The following CPA6 variants were observed in gnomAD, a reference collection of about 807,000 sequenced individuals.
The protein encoded by CPA6 is carboxypeptidase A6.
A neutral mutation model predicts 63.3 loss-of-function variants in CPA6; 58 were observed. The observed-to-expected ratio is 0.92, with a 90% CI of 0.74 to 1.14. The LOEUF is 1.14. Ranked by LOEUF, CPA6 falls within the 50% of genes most tolerant of loss-of-function variation. The pLI is 0.00. For synonymous variants in CPA6, 185 were observed against 179.0 expected (o/e 1.03, Z -0.27); for missense variants, 565 against 526.6 (o/e 1.07, Z -0.71).
intron 2 of CPA6, among the ~76,000 whole-genome samples, chr8:67,612,889 T>A (rs1329598171): frequency 6.6e-6 from 1 of 152,164 alleles, no homozygotes; most frequent in Non-Finnish European, 1.5e-5. Flanking sequence ...ATACAGACAT[T>A]TTTGATTATA....
At chr8:67,479,538 T>C (rs919375532) in intron 8 of CPA6, among the ~76,000 whole-genome samples, 1 of 152,176 alleles carries the variant, frequency 6.6e-6, no homozygotes, top group Non-Finnish European at 1.5e-5. Flanking sequence ...GGGAGAGTTT[T>C]CCCTTGGGCC....
chr8:67,579,361 C>T (rs1383879939), intron 2 of CPA6, among the ~76,000 whole-genome samples: 1 of 152,074 alleles, frequency 6.6e-6, no homozygotes, highest in Non-Finnish European at 1.5e-5. Flanking sequence ...TGCAGTGAGC[C>T]GAGATTGTGC....
chr8:67,590,789 T>G (rs1371399629), intron 2 of CPA6, among the ~76,000 whole-genome samples: 3 of 150,576 alleles, frequency 2.0e-5, no homozygotes, highest in Non-Finnish European at 4.5e-5. Context: ...ATATTAGCCC[T>G]TTGTCAGATG....
chr8:67,671,631 G>C (rs1305536797), intron 1 of CPA6, among the ~76,000 whole-genome samples: 1 of 152,144 alleles, frequency 6.6e-6, no homozygotes, highest in Non-Finnish European at 1.5e-5. Flanking sequence ...CTAATGCATA[G>C]TTTGCTTCAG....
At chr8:67,595,366 C>G (rs1587613601) in intron 2 of CPA6, among the ~76,000 whole-genome samples, 1 of 152,360 alleles carries the variant, frequency 6.6e-6, no homozygotes, top group East Asian at 1.9e-4. Flanking sequence ...TCTGCCCGTT[C>G]TCAGATCTCC....
chr8:67,630,988 G>T (rs550032169), intron 1 of CPA6, among the ~76,000 whole-genome samples: 2 of 152,300 alleles, frequency 1.3e-5, no homozygotes, highest in Admixed American at 6.5e-5. Flanking sequence ...CCTGCAGCCC[G>T]CCATGACTGA....
intron 1 of CPA6, among the ~76,000 whole-genome samples, chr8:67,677,079 T>G (rs1587693577): frequency 6.6e-6 from 1 of 152,224 alleles, no homozygotes; most frequent in East Asian, 1.9e-4. Flanking sequence ...ATTTAGGTCA[T>G]CTGTTAGTGC....
At chr8:67,742,064 T>C (rs537471952) in intron 1 of CPA6, among the ~76,000 whole-genome samples, 1 of 152,118 alleles carries the variant, frequency 6.6e-6, no homozygotes, top group Non-Finnish European at 1.5e-5. Context: ...CAGCACACAA[T>C]GGGCATCCAA....
intron 1 of CPA6, among the ~76,000 whole-genome samples, chr8:67,677,045 C>T (rs914601848): frequency 3.3e-5 from 5 of 152,178 alleles, no homozygotes; most frequent in African/African-American, 1.2e-4. Context: ...AACTGTGCTG[C>T]ACAACGCCAG....
chr8:67,639,485 A>G, intron 1 of CPA6, among the ~76,000 whole-genome samples: 1 of 151,624 alleles, frequency 6.6e-6, no homozygotes, highest in Non-Finnish European at 1.5e-5. Flanking sequence ...AGATGCTGGT[A>G]TGGGCACCAG....
intron 1 of CPA6, among the ~76,000 whole-genome samples, chr8:67,698,317 C>G (rs1587710298): frequency 6.6e-6 from 1 of 152,286 alleles, no homozygotes; most frequent in East Asian, 1.9e-4. Flanking sequence ...AAGGGTAGGG[C>G]TCAGTAATTG....
intron 6 of CPA6, among the ~76,000 whole-genome samples, chr8:67,494,806 A>G (rs924202805): frequency 2.0e-5 from 3 of 152,230 alleles, no homozygotes; most frequent in African/African-American, 7.2e-5. Context: ...TTATCAGCTT[A>G]TGTAATACAG....
intron 8 of CPA6, among the ~76,000 whole-genome samples, chr8:67,449,511 C>A (rs993714729): frequency 5.9e-5 from 9 of 152,044 alleles, no homozygotes; most frequent in African/African-American, 1.4e-4. Context: ...ATCAAAAAAA[C>A]CTTCATTGAG....
At chr8:67,470,638 G>A (rs568289909) in intron 8 of CPA6, among the ~76,000 whole-genome samples, 6 of 152,134 alleles carry the variant, frequency 3.9e-5, no homozygotes, top group African/African-American at 1.2e-4. Flanking sequence ...TGTAATGTTT[G>A]ATTCTGAAGT....
At position 67,628,367 on chromosome 8, in the gene CPA6, C is replaced by T. The variant is rs80035212; in HGVS notation, c.117-4116G>A. Among the ~76,000 whole-genome samples, 3 of 152,334 alleles carry T rather than the reference C, an allele frequency of 2.0e-5. No homozygotes were observed. The East Asian group carries it at 5.8e-4, about 29-fold the overall frequency. ...CCTGTTGAAAGACAGAGATGTGAAG[C>T]TTCAGATGTTTCCTTGTGGCTCCTG... On this transcript the variant is annotated intron_variant, in intron 1 of 10. Coordinates refer to ENST00000297770, the MANE Select transcript of CPA6 (RefSeq NM_020361.5).
intron 2 of CPA6, among the ~76,000 whole-genome samples, chr8:67,524,559 T>C (rs762274415): frequency 1.3e-5 from 2 of 152,128 alleles, no homozygotes; most frequent in Non-Finnish European, 2.9e-5. Flanking sequence ...TCTCCTCTTC[T>C]GTCACTTGTC....
chr8:67,461,672 C>A (rs530052424), intron 8 of CPA6, among the ~76,000 whole-genome samples: 1 of 151,954 alleles, frequency 6.6e-6, no homozygotes, highest in Non-Finnish European at 1.5e-5. Flanking sequence ...CCGGACGGGG[C>A]GGCTGGCCGG....
At chr8:67,580,873 G>C (rs1226766220) in intron 2 of CPA6, among the ~76,000 whole-genome samples, 1 of 152,196 alleles carries the variant, frequency 6.6e-6, no homozygotes, top group Admixed American at 6.5e-5. Flanking sequence ...TCATCGAGAT[G>C]TCTTATTTAA....
chr8:67,461,811 CG>C (rs1055926521), intron 8 of CPA6, among the ~76,000 whole-genome samples: 11 of 152,078 alleles, frequency 7.2e-5, no homozygotes, highest in Admixed American at 1.3e-4. Flanking sequence ...GCTGGCCGGG[CG>C]GGGGGCTGAC....
Sources: allele counts gnomAD v4.1 joint callset (sites outside exome capture counted in the v4.1 genomes callset), GRCh38; gene constraint gnomAD v4.1.1; transcripts MANE v1.5; gene names NCBI Gene and HGNC (gene_info 2026-07-23, HGNC 2026-07-21).